Variants in CLK2 observed in about 807,000 individuals in gnomAD.
The protein encoded by CLK2 is dual specificity protein kinase CLK2.
CLK2 carries 12 observed loss-of-function variants against 73.5 expected under a neutral mutation model. The observed-to-expected ratio is 0.16, with a 90% CI of 0.10 to 0.26. CLK2 has a LOEUF of 0.26. CLK2 is among the 10% of genes least tolerant of loss of function. The pLI is 1.00. For synonymous variants in CLK2, 232 were observed against 237.9 expected (o/e 0.98, Z 0.23); for missense variants, 509 against 688.4 (o/e 0.74, Z 2.92).
At chr1:155,270,659 G>A in intron 2 of CLK2, 149 bp downstream of exon 2, 2 of 869,318 alleles carry the variant, frequency 2.3e-6, no homozygotes, top group Non-Finnish European at 3.6e-6. Context: ...TAACACTGCA[G>A]CCCAAATGGC....
At chr1:155,265,239 G>A (rs1318259537) in intron 8 of CLK2, among the ~76,000 whole-genome samples, 5 of 152,066 alleles carry the variant, frequency 3.3e-5, no homozygotes, top group South Asian at 2.1e-4. Flanking sequence ...CAAAGGAGCC[G>A]AGCTTTCCTA....
Position 155,263,941 on chromosome 1 carries a change from C to A in CLK2, c.1317+9G>T, listed in dbSNP as rs751241675. The A allele has an allele frequency of 6.2e-7, 1 of 1,613,610 alleles. No homozygotes were observed. The highest frequency in any genetic ancestry group is 8.5e-7 in the Non-Finnish European group (1 of 1,179,586). ...ACGGTGGGCACTATTTATCCCGAGC[C>A]CAGCTCACCCGCAGCGGTTTGCAGT... On this transcript the variant is annotated intron_variant, in intron 12 of 12. Coordinates refer to ENST00000368361, the MANE Select transcript of CLK2 (RefSeq NM_001294338.2).
At chr1:155,272,804 T>G (rs940883924) in intron 1 of CLK2, among the ~76,000 whole-genome samples, 3 of 152,148 alleles carry the variant, frequency 2.0e-5, no homozygotes, top group Admixed American at 2.0e-4. Context: ...GTTTGAAATC[T>G]TTTGCTTTTT....
rs1156301895 is a variant in CLK2 at position 155,266,991 on chromosome 1, C to T, written c.672-96G>A. On this transcript the variant is annotated intron_variant, in intron 6 of 12. Transcript: ENST00000368361. The stretch of plus-strand genomic sequence containing the variant: ...AGGTACTTCATAGCTGTTGATTCCA[C>T]ATACTTGTGTAAAACCATGCCAGCT... The T allele has an allele frequency of 7.9e-6, 11 of 1,392,410 alleles. No individual in the cohort carries two copies. In the East Asian group the frequency reaches 2.7e-4, roughly 35 times the overall value. The allele number at this position is 1,392,410 out of a possible 1,614,324, so 86.3% of individuals were successfully genotyped here.
intron 1 of CLK2, among the ~76,000 whole-genome samples, chr1:155,271,558 C>T (rs1047211901): frequency 1.3e-5 from 2 of 152,186 alleles, no homozygotes; most frequent in African/African-American, 4.8e-5. Context: ...TCTTCAAACA[C>T]AGCTCCATGA....
In CLK2 at chr1:155,268,482, T is replaced by C; in HGVS notation, c.488-123A>G. The C allele has an allele frequency of 1.2e-6, 1 of 838,762 alleles. No homozygotes were observed. The highest frequency in any genetic ancestry group is 2.0e-6 in the Non-Finnish European group (1 of 499,962). The allele number at this position is 838,762 out of a possible 1,614,324, so 52.0% of individuals were successfully genotyped here. A position where few individuals can be genotyped will look rare whatever the true frequency, so the allele number is the denominator to read the frequency against. On this transcript the variant is annotated intron_variant, in intron 4 of 12. Transcript: ENST00000368361. The surrounding 1 kb of genome is among the most constrained non-coding windows in gnomAD (Gnocchi z 5.6). ...ATGAAGGAAGGGGAACAGATACAGA[T>C]GGTCACAGGGGAAGAAAACCCCTGC... is the stretch of plus-strand genomic sequence containing the variant.
Position 155,268,854 on chromosome 1 carries a change from GGC to G in CLK2, c.400-61_400-60del. The G allele has an allele frequency of 9.6e-7, 1 of 1,046,534 alleles. No individual in the cohort carries two copies. Among genetic ancestry groups the G allele is most frequent in the Non-Finnish European group, 1.5e-6 (1 of 686,932 alleles). 64.8% of individuals were successfully genotyped at this position (1,046,534 alleles called of 1,614,324 possible). A position where few individuals can be genotyped will look rare whatever the true frequency, so the allele number is the denominator to read the frequency against. ...GGTGTCGGAGCGGGGGCCGGAGGGAGGCGGGGTGGGTGGTAGAGGGGTCACCG... is the reference window on the plus strand; with the variant it reads ...GGTGTCGGAGCGGGGGCCGGAGGGAGGGGGTGGGTGGTAGAGGGGTCACCG... On this transcript the variant is annotated intron_variant, in intron 3 of 12. Coordinates refer to ENST00000368361, the MANE Select transcript of CLK2 (RefSeq NM_001294338.2). This position sits in a 1 kb window ranked among gnomAD's most constrained non-coding sequence, Gnocchi z 5.6.
chr1:155,265,285 G>C (rs1348490449), intron 8 of CLK2, among the ~76,000 whole-genome samples: 2 of 152,116 alleles, frequency 1.3e-5, no homozygotes, highest in African/African-American at 4.8e-5. Context: ...AAGAAGTCCG[G>C]GCCAGGCACT....
In CLK2 at chr1:155,270,971, G is replaced by A. The variant is rs547649719; in HGVS notation, c.7C>T (p.His3Tyr). Residue 3 changes from histidine to tyrosine, a missense_variant, in exon 2 of 13, where the codon CAT becomes TAT. Around this residue, in one of 6 missense-constraint regions of CLK2, gnomAD observed 222 missense variants for 221.7 expected, o/e 1.00. Coordinates refer to ENST00000368361, the MANE Select transcript of CLK2 (RefSeq NM_001294338.2). MPHPRRYHSSERG... is the reference protein window; with the variant it reads MPYPRRYHSSERG... ...TCTGAGGAGTGGTACCTTCGAGGAT[G>A]CGGCATCTGGAAGGCAAGGGAAAGC... 18 of 1,608,530 alleles carry A rather than the reference G, an allele frequency of 1.1e-5. No individual in the cohort carries two copies. In the South Asian group the frequency reaches 1.9e-4, roughly 17 times the overall value.
intron 1 of CLK2, among the ~76,000 whole-genome samples, chr1:155,272,517 G>C (rs1040629944): frequency 7.9e-5 from 12 of 152,042 alleles, no homozygotes; most frequent in African/African-American, 2.9e-4. Flanking sequence ...TCTTGGTGGG[G>C]GTGTATGAGA....
Position 155,268,734 on chromosome 1 carries a change from T to C in CLK2, c.461A>G (p.His154Arg). Residue 154 changes from histidine (H) to arginine (R), a missense_variant, in exon 4 of 13, where the codon CAC becomes CGC. This residue lies in a region of CLK2 where 76 missense variants were observed against 126.4 expected (regional missense o/e 0.60). Coordinates refer to ENST00000368361, the MANE Select transcript of CLK2 (RefSeq NM_001294338.2). The surrounding 1 kb of genome is among the most constrained non-coding windows in gnomAD (Gnocchi z 5.6). ...TCGCTCTTGTAGCCAGTCCCCGACG[T>C]GGTAGATGAGGTGGCCCTCAGCGTC... The part of the protein sequence containing the change: ...EDDAEGHLIY[H>R]VGDWLQERYE... The C allele has an allele frequency of 6.2e-7, 1 of 1,613,464 alleles. No homozygotes were observed. The highest frequency in any genetic ancestry group is 8.5e-7 in the Non-Finnish European group (1 of 1,179,838).
Position 155,264,272 on chromosome 1 carries a change from A to G in CLK2, c.1175T>C (p.Met392Thr). The G allele has an allele frequency of 1.2e-6, 2 of 1,614,234 alleles. No individual in the cohort carries two copies. The highest frequency in any genetic ancestry group is 1.7e-6 in the Non-Finnish European group (2 of 1,180,036). Residue 392 changes from methionine (M) to threonine (T), a missense_variant, in exon 11 of 13, where the codon ATG (methionine) becomes ACG (threonine). Around this residue, in one of 6 missense-constraint regions of CLK2, gnomAD observed 48 missense variants for 144.9 expected, o/e 0.33. Transcript: ENST00000368361. ...GATAGGACCCAAGATCCTTTCCATC[A>G]TGGCTAGATGCTCTCTGTTGTCATG... ...QTHDNREHLA[M>T]MERILGPIPS...
chr1:155,266,017 A>C (rs542267999), intron 7 of CLK2, 63 bp from the exon 8 acceptor site: 683 of 1,140,832 alleles, frequency 6.0e-4, no homozygotes, highest in Non-Finnish European at 4.6e-4. Flanking sequence ...GTATCAGCTG[A>C]CCCCAGGCCT....
chr1:155,266,015 T>A (rs1020284539), intron 7 of CLK2, 61 bp from the exon 8 acceptor site: 183 of 1,166,370 alleles, frequency 1.6e-4, no homozygotes, highest in Admixed American at 1.2e-4. Context: ...TGGTATCAGC[T>A]GACCCCAGGC....
intron 8 of CLK2, 95 bp downstream of exon 8, chr1:155,265,765 A>T: frequency 3.6e-6 from 3 of 843,060 alleles, no homozygotes; most frequent in Middle Eastern, 2.4e-4. Context: ...ATGTGGGAGG[A>T]CGAAATAAAA....
chr1:155,271,128 T>C, intron 1 of CLK2, 151 bp from the exon 2 acceptor site: 1 of 785,418 alleles, frequency 1.3e-6, no homozygotes, highest in Non-Finnish European at 2.0e-6. Context: ...CCTCTGTACT[T>C]ACAATTCCTC....
chr1:155,264,832 A>G, intron 8 of CLK2, 58 bp from the exon 9 acceptor site: 3 of 1,594,662 alleles, frequency 1.9e-6, no homozygotes, highest in Non-Finnish European at 2.6e-6. Context: ...TTCCACCAGT[A>G]TTCTCTACAT....
At chr1:155,269,460 G>A in intron 3 of CLK2, 28 bp downstream of exon 3, 1 of 1,596,866 alleles carries the variant, frequency 6.3e-7, no homozygotes, top group South Asian at 1.1e-5. Context: ...GAAGAGTGGG[G>A]AGAGGAAGGG....
In CLK2 at chr1:155,268,815, G is replaced by A. The variant is rs371565923; in HGVS notation, c.400-20C>T. On this transcript the variant is annotated intron_variant, in intron 3 of 12. Transcript: ENST00000368361. The surrounding 1 kb of genome is among the most constrained non-coding windows in gnomAD (Gnocchi z 5.6). Reference sequence around the variant, plus strand: ...GTGCTGCTGTCGGGGGGCAGGGGGGGTCGGAGCAAGCCAGGTGTCGGAGCG... The same window carrying A: ...GTGCTGCTGTCGGGGGGCAGGGGGGATCGGAGCAAGCCAGGTGTCGGAGCG... The A allele has an allele frequency of 1.1e-4, 175 of 1,588,938 alleles. No homozygotes were observed. The highest frequency in any genetic ancestry group is 1.4e-4 in the Non-Finnish European group (166 of 1,162,602).
Sources: allele counts gnomAD v4.1 joint callset (sites outside exome capture counted in the v4.1 genomes callset), GRCh38; gene constraint gnomAD v4.1.1; regional missense constraint gnomAD v4.1.1; non-coding constraint Gnocchi (gnomAD v3.1); transcripts MANE v1.5; gene names NCBI Gene and HGNC (gene_info 2026-07-23, HGNC 2026-07-21).